ADK: variants seen among roughly 807,000 people sequenced by gnomAD.
ADK encodes N6,N6-dimethyladenosine kinase.
A neutral mutation model predicts 44.7 loss-of-function variants in ADK; 24 were observed. The ratio of observed to expected loss-of-function variants is 0.54; its 90% CI spans 0.39 to 0.76. The LOEUF is 0.76. Among genes scored for constraint, ADK ranks in the 30% least tolerant of loss-of-function variants. ADK has a pLI of 0.00. For missense variants in ADK, 321 were observed against 425.1 expected (o/e 0.76, Z 2.15); for synonymous variants, 128 against 142.6 (o/e 0.90, Z 0.73).
At chr10:74,394,685 G>C (rs377221058) in intron 5 of ADK, among the ~76,000 whole-genome samples, 1 of 151,352 alleles carries the variant, frequency 6.6e-6, no homozygotes, top group African/African-American at 2.4e-5. Flanking sequence ...GTTGGAATAC[G>C]AGAGAGAGAG....
chr10:74,637,804 G>A (rs1326478272), intron 9 of ADK, among the ~76,000 whole-genome samples: 3 of 152,172 alleles, frequency 2.0e-5, no homozygotes, highest in Non-Finnish European at 4.4e-5. Context: ...GGCTGCCTAG[G>A]GATAGAGGGC....
intron 7 of ADK, among the ~76,000 whole-genome samples, chr10:74,551,181 GA>G (rs1406880759): frequency 6.6e-6 from 1 of 152,142 alleles, no homozygotes; most frequent in Non-Finnish European, 1.5e-5. Context: ...ATATAGAGGA[GA>G]AAGGATAGTA....
intron 6 of ADK, among the ~76,000 whole-genome samples, chr10:74,448,279 A>G (rs999307226): frequency 6.6e-6 from 1 of 151,770 alleles, no homozygotes; most frequent in South Asian, 2.1e-4. Flanking sequence ...CCTAGTGAAC[A>G]CTTCCCTCCA....
chr10:74,544,418 A>AT (rs1311199431), intron 7 of ADK, among the ~76,000 whole-genome samples: 1 of 152,156 alleles, frequency 6.6e-6, no homozygotes, highest in South Asian at 2.1e-4. Context: ...GACTTGATAT[A>AT]TTTTTTACTA....
At chr10:74,153,396 C>T (rs553850018) in intron 1 of ADK, among the ~76,000 whole-genome samples, 5 of 152,314 alleles carry the variant, frequency 3.3e-5, no homozygotes, top group South Asian at 2.1e-4. Flanking sequence ...TGGCCAAATA[C>T]GTCAACGGTG....
intron 6 of ADK, among the ~76,000 whole-genome samples, chr10:74,421,319 G>T (rs1592187460): frequency 6.6e-6 from 1 of 152,132 alleles, no homozygotes; most frequent in South Asian, 2.1e-4. Context: ...GAACAAATAA[G>T]TAAATGGATG....
At chr10:74,410,215 A>G (rs530463904) in intron 6 of ADK, among the ~76,000 whole-genome samples, 1 of 152,248 alleles carries the variant, frequency 6.6e-6, no homozygotes, top group East Asian at 1.9e-4. Flanking sequence ...GTGACTAGAA[A>G]TTTAAAAAGA....
chr10:74,595,410 T>C (rs1442424772), intron 8 of ADK, among the ~76,000 whole-genome samples: 7 of 510 alleles, frequency 0.014, no homozygotes, highest in Non-Finnish European at 0.05. Flanking sequence ...GGGTTTGGCT[T>C]TGTCACGCCA....
chr10:74,284,821 C>G (rs1292562998), intron 3 of ADK, among the ~76,000 whole-genome samples: 1 of 152,190 alleles, frequency 6.6e-6, no homozygotes, highest in Non-Finnish European at 1.5e-5. Flanking sequence ...TTTTGCAGGA[C>G]TTCCTCAAAT....
intron 1 of ADK, among the ~76,000 whole-genome samples, chr10:74,154,001 G>A (rs1005378584): frequency 6.6e-6 from 1 of 152,198 alleles, no homozygotes; most frequent in Admixed American, 6.5e-5. Context: ...TGGGAAATAA[G>A]TGGGGTTTGG....
intron 6 of ADK, chr10:74,423,327 G>C (rs1240724233): frequency 6.4e-6 from 1 of 155,606 alleles, no homozygotes; most frequent in Non-Finnish European, 1.4e-5. Context: ...CCCTTCCTCT[G>C]TCCCCAGTGG....
At chr10:74,603,400 C>T (rs1351199887) in intron 9 of ADK, among the ~76,000 whole-genome samples, 1 of 152,076 alleles carries the variant, frequency 6.6e-6, no homozygotes, top group Non-Finnish European at 1.5e-5. Flanking sequence ...AATGCTATCC[C>T]TCCCTGAGCT....
intron 10 of ADK, among the ~76,000 whole-genome samples, chr10:74,685,601 A>G (rs1855757107): frequency 6.6e-6 from 1 of 152,218 alleles, no homozygotes; most frequent in Non-Finnish European, 1.5e-5. Context: ...ACTTTTCACA[A>G]TTGTATTTAG....
rs1377170011 is a variant in ADK, at chr10:74,421,137, G to T, written c.555+22558G>T. On this transcript the variant is annotated intron_variant, in intron 6 of 10. Coordinates refer to ENST00000539909, the MANE Select transcript of ADK (RefSeq NM_006721.4). The stretch of plus-strand genomic sequence containing the variant: ...TGTATGGCATAACTTCACTGAATGG[G>T]TGGGGGAAAAGGAGCTGACCTAAGT... Among the ~76,000 whole-genome samples, 4 of 152,286 alleles carry T rather than the reference G, an allele frequency of 2.6e-5. No homozygotes were observed. The East Asian group carries it at 5.8e-4, about 22-fold the overall frequency.
At chr10:74,585,021 G>A (rs1028986066) in intron 7 of ADK, among the ~76,000 whole-genome samples, 4 of 152,106 alleles carry the variant, frequency 2.6e-5, no homozygotes, top group Non-Finnish European at 4.4e-5. Flanking sequence ...TTTCATATAC[G>A]CAAACATGCA....
intron 1 of ADK, among the ~76,000 whole-genome samples, chr10:74,186,200 C>T (rs562109037): frequency 1.1e-3 from 143 of 135,296 alleles, no homozygotes; most frequent in South Asian, 4.7e-3. Context: ...TCCTTCCCTT[C>T]CCTTCCCTTC....
At chr10:74,571,545 A>G (rs1029346609) in intron 7 of ADK, among the ~76,000 whole-genome samples, 1 of 152,062 alleles carries the variant, frequency 6.6e-6, no homozygotes, top group Non-Finnish European at 1.5e-5. Context: ...GGATTTATTC[A>G]TTTCTTCTAG....
chr10:74,436,169 T>G (rs1243638245), intron 6 of ADK, among the ~76,000 whole-genome samples: 6 of 152,100 alleles, frequency 3.9e-5, no homozygotes, highest in African/African-American at 1.4e-4. Context: ...GCAACAAAGC[T>G]CTATTGGAGT....
chr10:74,152,759 A>AT (rs1220043423), intron 1 of ADK, among the ~76,000 whole-genome samples: 1 of 152,230 alleles, frequency 6.6e-6, no homozygotes, highest in Non-Finnish European at 1.5e-5. Flanking sequence ...AAATAAAACA[A>AT]TTAGTACAGG....
Sources: allele counts gnomAD v4.1 joint callset (sites outside exome capture counted in the v4.1 genomes callset), GRCh38; gene constraint gnomAD v4.1.1; transcripts MANE v1.5; gene names NCBI Gene and HGNC (gene_info 2026-07-23, HGNC 2026-07-21).